TANC1: variants seen among roughly 807,000 people sequenced by gnomAD.
TANC1 encodes the protein tetratricopeptide repeat, ankyrin repeat and coiled-coil containing 1, also known as protein TANC1.
Under a neutral mutation model 149.7 loss-of-function variants are expected in TANC1, and 77 were observed. The ratio of observed to expected loss-of-function variants is 0.51; its 90% CI spans 0.43 to 0.62. The LOEUF is 0.62. Among genes scored for constraint, TANC1 ranks in the 20% least tolerant of loss-of-function variants. The probability of loss-of-function intolerance (pLI) is 0.00; values close to 1 mark genes in which losing one functional copy is unlikely to be tolerated. For missense variants in TANC1, 1,985 were observed against 2,321.8 expected, an observed-to-expected ratio of 0.85 and a Z score of 2.98; for synonymous variants, 854 against 925.0, an observed-to-expected ratio of 0.92 and a Z score of 1.39.
At chr2:159,164,903 A>G (rs1328164821) in intron 8 of TANC1, among the ~76,000 whole-genome samples, 1 of 152,218 alleles carries the variant, frequency 6.6e-6, no homozygotes, top group Non-Finnish European at 1.5e-5. Context: ...GAAATACTAG[A>G]GAACATTATA....
chr2:159,071,858 A>T (rs992240261), intron 3 of TANC1, among the ~76,000 whole-genome samples: 1 of 152,246 alleles, frequency 6.6e-6, no homozygotes. Flanking sequence ...CCCAAGCAAC[A>T]AAACAAGCAG....
In TANC1 at chr2:159,009,458, T is replaced by C. The variant is rs181013936; in HGVS notation, c.-16+8269T>C. 7.7e-4 allele frequency among the ~76,000 whole-genome samples: 117 copies of C among 152,264 alleles called. 1 individual carries two copies. Among genetic ancestry groups the C allele is most frequent in the African/African-American group, 2.6e-3 (109 of 41,562 alleles). Reference sequence around the variant, plus strand: ...ATCATTTGAGGTAACATGGATGAGGTTGGAGGACACTATGTCAAGTGAAAT... The same window carrying C: ...ATCATTTGAGGTAACATGGATGAGGCTGGAGGACACTATGTCAAGTGAAAT... On this transcript the variant is annotated intron_variant, in intron 2 of 26. Transcript: ENST00000263635.
intron 14 of TANC1, among the ~76,000 whole-genome samples, chr2:159,180,896 TCATGTGG>T (rs2056402584): frequency 6.6e-6 from 1 of 152,092 alleles, no homozygotes; most frequent in Non-Finnish European, 1.5e-5. Flanking sequence ...GAGGCACACT[TCATGTGG>T]ACCTCACAAG....
chr2:159,228,922 CTA>C (rs1025487214), intron 26 of TANC1, 26 bp downstream of exon 26: 1 of 1,583,370 alleles, frequency 6.3e-7, no homozygotes, highest in Non-Finnish European at 8.7e-7. Flanking sequence ...ATCTTTGTGT[CTA>C]GAGCTTTTTT....
At chr2:159,065,285 C>T in intron 2 of TANC1, among the ~76,000 whole-genome samples, 1 of 152,176 alleles carries the variant, frequency 6.6e-6, no homozygotes, top group Non-Finnish European at 1.5e-5. Flanking sequence ...CCTTCCCCAC[C>T]CCAAAGTTAT....
At chr2:159,004,066 T>A (rs2036896954) in intron 2 of TANC1, 1 of 1,612,204 alleles carries the variant, frequency 6.2e-7, no homozygotes, top group Admixed American at 1.7e-5. Flanking sequence ...AATCCCAAAG[T>A]CCAAGCTTCC....
At position 159,178,854 on chromosome 2, in the gene TANC1, C is replaced by T. The variant is rs146928523; in HGVS notation, c.2201C>T (p.Ser734Phe). ...TACAAGGTGGTGCCCGTGTCTCTCTCTGAGCTCTATTTGCTTCAGTGCAAC... is the reference window on the plus strand; with the variant it reads ...TACAAGGTGGTGCCCGTGTCTCTCTTTGAGCTCTATTTGCTTCAGTGCAAC... ...ASYKVVPVSL[S>F]ELYLLQCNMK... Residue 734 changes from serine (S) to phenylalanine (F), a missense_variant, in exon 14 of 27, where the codon TCT (serine) becomes TTT (phenylalanine). Around this residue, in one of 3 missense-constraint regions of TANC1, gnomAD observed 508 missense variants for 714.2 expected, o/e 0.71. Transcript: ENST00000263635. 6.2e-7 allele frequency: 1 copy of T among 1,614,082 alleles called. No homozygotes were observed. Among genetic ancestry groups the T allele is most frequent in the African/African-American group, 1.3e-5 (1 of 74,918 alleles).
Position 159,219,340 on chromosome 2 carries a change from G to C in TANC1, c.3481G>C (p.Val1161Leu), listed in dbSNP as rs375860483. The change falls in exon 21 of 27, where the codon GTG becomes CTG. Residue 1161 changes from valine (V) to leucine (L), a missense_variant. By Grantham distance (32) the Val-to-Leu change is conservative. This residue lies in a region of TANC1 where 920 missense variants were observed against 994.7 expected (regional missense o/e 0.92). Coordinates refer to ENST00000263635, the MANE Select transcript of TANC1 (RefSeq NM_033394.3). ...TGCTTGTGAAGGGCACTTGAGCACCGTGGAATTCCTCCTTTCAAAAGGTAG... is the reference window on the plus strand; with the variant it reads ...TGCTTGTGAAGGGCACTTGAGCACCCTGGAATTCCTCCTTTCAAAAGGTAG... ...VAACEGHLST[V>L]EFLLSKGAAL... 2.1e-5 allele frequency: 34 copies of C among 1,613,614 alleles called. No individual in the cohort carries two copies. The East Asian group carries it at 2.7e-4, about 13-fold the overall frequency.
At chr2:159,174,834 G>A in intron 11 of TANC1, 119 bp from the exon 12 acceptor site, 2 of 780,658 alleles carry the variant, frequency 2.6e-6, no homozygotes, top group South Asian at 3.1e-5. Flanking sequence ...CCAGTCTTGG[G>A]GAATAGATGC....
intron 2 of TANC1, among the ~76,000 whole-genome samples, chr2:159,045,456 G>C (rs147831843): frequency 1.8e-4 from 27 of 152,212 alleles, no homozygotes; most frequent in African/African-American, 6.0e-4. Context: ...AAGATAGCCA[G>C]ATATGATAAA....
intron 2 of TANC1, among the ~76,000 whole-genome samples, chr2:159,040,396 C>A (rs568797599): frequency 6.6e-6 from 1 of 152,276 alleles, no homozygotes; most frequent in East Asian, 1.9e-4. Context: ...TCAGGTATAC[C>A]AATCAAATGT....
chr2:159,162,704 C>A (rs557409862), intron 7 of TANC1, among the ~76,000 whole-genome samples: 8 of 152,224 alleles, frequency 5.3e-5, no homozygotes, highest in African/African-American at 1.9e-4. Flanking sequence ...TTTTCCATTT[C>A]GTGTTGCTGA....
intron 2 of TANC1, among the ~76,000 whole-genome samples, chr2:159,057,414 A>G (rs2041932152): frequency 6.6e-6 from 1 of 152,224 alleles, no homozygotes; most frequent in African/African-American, 2.4e-5. Context: ...TGTTTGGCAC[A>G]GGGTAGCAAC....
At chr2:159,165,790 C>T (rs1284438048) in intron 8 of TANC1, among the ~76,000 whole-genome samples, 1 of 152,188 alleles carries the variant, frequency 6.6e-6, no homozygotes, top group Non-Finnish European at 1.5e-5. Flanking sequence ...GGTGTTTTGG[C>T]ATATGAGGAT....
At chr2:159,077,669 A>G (rs1208383031) in intron 3 of TANC1, among the ~76,000 whole-genome samples, 1 of 152,208 alleles carries the variant, frequency 6.6e-6, no homozygotes, top group African/African-American at 2.4e-5. Context: ...TAGCCTTCTA[A>G]AAAGTAGCTC....
At chr2:159,152,229 C>T (rs532275898) in intron 7 of TANC1, among the ~76,000 whole-genome samples, 12 of 152,248 alleles carry the variant, frequency 7.9e-5, no homozygotes, top group African/African-American at 1.9e-4. Context: ...TTTTTCCCAG[C>T]GTTACTTCTG....
chr2:159,212,404 C>T (rs976607463), intron 19 of TANC1, among the ~76,000 whole-genome samples: 7 of 152,152 alleles, frequency 4.6e-5, no homozygotes, highest in Admixed American at 2.6e-4. Context: ...AAGAATCATG[C>T]GTGTTCAGGG....
rs184386000 is a variant in TANC1 at position 159,172,077 on chromosome 2, G to C, written c.1352-44G>C. ...AGAAATATATTCAATACCACACCCT[G>C]CTCCTACTGTGATGTACATAATGAA... is the stretch of plus-strand genomic sequence containing the variant. On this transcript the variant is annotated intron_variant, in intron 10 of 26. Coordinates refer to ENST00000263635, the MANE Select transcript of TANC1 (RefSeq NM_033394.3). 10,258 of 1,581,858 alleles carry C rather than the reference G, an allele frequency of 6.5e-3. 66 individuals are homozygous for C. The highest frequency in any genetic ancestry group is 7.6e-3 in the Non-Finnish European group (8,724 of 1,153,496).
At chr2:159,051,582 C>T (rs1414315020) in intron 2 of TANC1, among the ~76,000 whole-genome samples, 9 of 151,764 alleles carry the variant, frequency 5.9e-5, no homozygotes, top group African/African-American at 2.2e-4. Context: ...TTTATGGGAC[C>T]CCTACAAATA....
Sources: gnomAD v4.1 joint callset for allele counts (sites outside exome capture counted in the v4.1 genomes callset) on GRCh38, gnomAD v4.1.1 for gene constraint, gnomAD v4.1.1 regional missense constraint, MANE v1.5 for transcripts, NCBI Gene and HGNC (gene_info 2026-07-23, HGNC 2026-07-21) for gene names.